The following KCNH5 variants were observed in gnomAD, a reference collection of about 807,000 sequenced individuals.
KCNH5 encodes voltage-gated delayed rectifier potassium channel KCNH5.
In KCNH5, 46 loss-of-function variants were observed where a neutral mutation model predicts 96.1. The ratio of observed to expected loss-of-function variants is 0.48; its 90% CI spans 0.38 to 0.61. The LOEUF is 0.61. Among genes scored for constraint, KCNH5 ranks in the 20% least tolerant of loss-of-function variants. The probability of loss-of-function intolerance (pLI) is 0.00; values close to 1 mark genes in which losing one functional copy is unlikely to be tolerated. For synonymous variants in KCNH5, 439 were observed against 449.8 expected, an observed-to-expected ratio of 0.98 and a Z score of 0.30; for missense variants, 907 against 1,225.8, an observed-to-expected ratio of 0.74 and a Z score of 3.88.
chr14:62,888,671 A>T (rs1181585434), intron 7 of KCNH5, among the ~76,000 whole-genome samples: 2 of 152,198 alleles, frequency 1.3e-5, no homozygotes, highest in Non-Finnish European at 2.9e-5. Context: ...TAGTGTCACC[A>T]GATATTAAAA....
In KCNH5 at chr14:62,872,954, T is replaced by A. The variant is rs143765839; in HGVS notation, c.1370-23102A>T. ...TCACGAGGTCAGGAGATCGAGACCATCCTAGCTAACACAGTGAAACTCCGT... is the reference window on the plus strand; with the variant it reads ...TCACGAGGTCAGGAGATCGAGACCAACCTAGCTAACACAGTGAAACTCCGT... On this transcript the variant is annotated intron_variant, in intron 7 of 10. Coordinates refer to ENST00000322893, the MANE Select transcript of KCNH5 (RefSeq NM_139318.5). 3.4e-3 allele frequency among the ~76,000 whole-genome samples: 519 copies of A among 152,044 alleles called. 3 individuals carry two copies. The highest frequency in any genetic ancestry group is 0.012 in the African/African-American group (500 of 41,466).
intron 8 of KCNH5, among the ~76,000 whole-genome samples, chr14:62,809,065 T>C (rs1886824015): frequency 1.3e-5 from 2 of 152,146 alleles, no homozygotes; most frequent in Non-Finnish European, 2.9e-5. Flanking sequence ...TTTTTAACTT[T>C]GCTTAAAACG....
At chr14:62,953,991 G>A (rs1046222518) in intron 6 of KCNH5, among the ~76,000 whole-genome samples, 10 of 152,030 alleles carry the variant, frequency 6.6e-5, no homozygotes, top group African/African-American at 1.4e-4. Context: ...AGTGTGACAC[G>A]CGAAGCCCAT....
chr14:63,006,237 C>T (rs1006867716), intron 3 of KCNH5, 129 bp downstream of exon 3: 5 of 472,306 alleles, frequency 1.1e-5, no homozygotes, highest in African/African-American at 2.0e-5. Flanking sequence ...TCACCAGCAA[C>T]CTCTGCCCCT....
intron 8 of KCNH5, among the ~76,000 whole-genome samples, chr14:62,816,942 T>C (rs546251190): frequency 2.0e-5 from 3 of 150,990 alleles, no homozygotes; most frequent in African/African-American, 7.3e-5. Flanking sequence ...TCTATTGCAT[T>C]TTTCACTGTG....
intron 10 of KCNH5, among the ~76,000 whole-genome samples, chr14:62,720,274 G>A (rs1022104505): frequency 3.3e-5 from 5 of 152,172 alleles, no homozygotes; most frequent in African/African-American, 1.2e-4. Context: ...AGGGACTTCA[G>A]ATTTTACCTG....
intron 6 of KCNH5, among the ~76,000 whole-genome samples, chr14:62,955,527 A>T (rs1890087620): frequency 1.3e-5 from 2 of 152,234 alleles, no homozygotes; most frequent in Non-Finnish European, 2.9e-5. Flanking sequence ...ATACATAGTA[A>T]GAGGAGGAAG....
At position 62,701,114 on chromosome 14, in the gene KCNH5, T is replaced by C. The variant is rs1405611457; in HGVS notation, c.*6394A>G. On this transcript the variant is annotated 3_prime_UTR_variant, in exon 11 of 11. Coordinates refer to ENST00000322893, the MANE Select transcript of KCNH5 (RefSeq NM_139318.5). ...GAGAGAGAGTGATCAGATCTTTTTG[T>C]TTCCTCCCATCAAAATGCAGCCCAA... The C allele has an allele frequency of 2.0e-5, 3 of 152,134 alleles. No individual in the cohort carries two copies. Among genetic ancestry groups the C allele is most frequent in the Admixed American group, 2.0e-4 (3 of 15,270 alleles). 9.4% of individuals were successfully genotyped at this position (152,134 alleles called of 1,614,324 possible).
At chr14:62,709,792 A>C (rs1884530912) in intron 10 of KCNH5, among the ~76,000 whole-genome samples, 1 of 152,256 alleles carries the variant, frequency 6.6e-6, no homozygotes, top group South Asian at 2.1e-4. Context: ...TAAAGTTAAT[A>C]AGTGTGAGAT....
chr14:62,811,799 C>A (rs1886878384), intron 8 of KCNH5, among the ~76,000 whole-genome samples: 1 of 152,040 alleles, frequency 6.6e-6, no homozygotes, highest in Admixed American at 6.6e-5. Flanking sequence ...GCTGGAAAGG[C>A]AGACTCCCAG....
At chr14:62,767,462 G>A (rs2139962203) in intron 10 of KCNH5, among the ~76,000 whole-genome samples, 1 of 150,094 alleles carries the variant, frequency 6.7e-6, no homozygotes, top group African/African-American at 2.4e-5. Flanking sequence ...GGAAAATGGG[G>A]TATATATACA....
intron 7 of KCNH5, among the ~76,000 whole-genome samples, chr14:62,896,249 T>A (rs1385069461): frequency 6.6e-6 from 1 of 152,212 alleles, no homozygotes. Flanking sequence ...GCTAAGCCTA[T>A]GAATCAACCA....
At chr14:62,989,964 T>A (rs1490757534) in intron 4 of KCNH5, among the ~76,000 whole-genome samples, 1 of 152,070 alleles carries the variant, frequency 6.6e-6, no homozygotes, top group African/African-American at 2.4e-5. Flanking sequence ...TAGAATGTTA[T>A]AATTGCCTTG....
At position 62,869,451 on chromosome 14, in the gene KCNH5, G is replaced by T. The variant is rs564196798; in HGVS notation, c.1370-19599C>A. ...ATATTAACCCTTTGTCAGATGGATA[G>T]ATTGCAAAAATTTTCTCCCATTCAG... On this transcript the variant is annotated intron_variant, in intron 7 of 10. Transcript: ENST00000322893. Among the ~76,000 whole-genome samples the T allele has an allele frequency of 2.6e-5, 4 of 151,914 alleles. No individual in the cohort carries two copies. In the South Asian group the frequency reaches 8.3e-4, roughly 32 times the overall value.
At chr14:62,761,884 G>A (rs534391035) in intron 10 of KCNH5, among the ~76,000 whole-genome samples, 1 of 152,234 alleles carries the variant, frequency 6.6e-6, no homozygotes, top group East Asian at 1.9e-4. Flanking sequence ...TGGATGGAGG[G>A]AGGATGCAGA....
intron 8 of KCNH5, among the ~76,000 whole-genome samples, chr14:62,848,842 A>G (rs1441310311): frequency 2.0e-5 from 3 of 152,210 alleles, no homozygotes; most frequent in African/African-American, 7.2e-5. Context: ...AAAAATCAGT[A>G]CCTAAAAAGA....
intron 10 of KCNH5, among the ~76,000 whole-genome samples, chr14:62,711,657 A>T (rs975761852): frequency 6.6e-6 from 1 of 152,196 alleles, no homozygotes; most frequent in Non-Finnish European, 1.5e-5. Context: ...GCGGAAAAAC[A>T]TGCTCTTTAG....
chr14:62,860,772 A>G (rs1169030247), intron 7 of KCNH5, among the ~76,000 whole-genome samples: 1 of 152,218 alleles, frequency 6.6e-6, no homozygotes, highest in Non-Finnish European at 1.5e-5. Context: ...CCCATCTAAT[A>G]CAAAGGCTAA....
intron 7 of KCNH5, among the ~76,000 whole-genome samples, chr14:62,928,230 C>A (rs543624952): frequency 3.2e-4 from 48 of 152,112 alleles, no homozygotes; most frequent in Middle Eastern, 3.4e-3. Context: ...GCGGTGATAA[C>A]CTCATTTCTT....
Sources: allele counts gnomAD v4.1 joint callset (sites outside exome capture counted in the v4.1 genomes callset), GRCh38; gene constraint gnomAD v4.1.1; transcripts MANE v1.5; gene names NCBI Gene and HGNC (gene_info 2026-07-23, HGNC 2026-07-21).